SEPTIN7: variants seen among roughly 807,000 people sequenced by gnomAD.
SEPTIN7 encodes the protein septin 7.
In SEPTIN7, 10 loss-of-function variants were observed where a neutral mutation model predicts 63.3. The ratio of observed to expected loss-of-function variants is 0.16; its 90% CI spans 0.10 to 0.27. SEPTIN7 has a LOEUF of 0.27. SEPTIN7 is among the 10% of genes least tolerant of loss of function. The pLI, the probability that SEPTIN7 is intolerant of heterozygous loss-of-function variation, is 1.00. For synonymous variants in SEPTIN7, 131 were observed against 165.3 expected, an observed-to-expected ratio of 0.79 and a Z score of 1.59; for missense variants, 310 against 521.0, an observed-to-expected ratio of 0.59 and a Z score of 3.94.
downstream of SEPTIN7, among the ~76,000 whole-genome samples, chr7:35,907,283 A>G (rs1164541273): frequency 2.6e-5 from 4 of 152,178 alleles, no homozygotes; most frequent in Non-Finnish European, 4.4e-5. Context: ...CTTTCTAATA[A>G]TAAGCTTGCA....
intron 3 of SEPTIN7, among the ~76,000 whole-genome samples, chr7:35,839,803 T>C (rs2115958165): frequency 6.6e-6 from 1 of 152,304 alleles, no homozygotes; most frequent in East Asian, 1.9e-4. Context: ...TCCACTTGCC[T>C]CGGCCTCCCA....
At chr7:35,895,901 C>T (rs1319792656) in intron 11 of SEPTIN7, among the ~76,000 whole-genome samples, 2 of 152,196 alleles carry the variant, frequency 1.3e-5, no homozygotes, top group Non-Finnish European at 2.9e-5. Flanking sequence ...ACCTCTGCCT[C>T]CTGGGTTCAA....
At chr7:35,822,961 A>T (rs1783302211) in intron 1 of SEPTIN7, among the ~76,000 whole-genome samples, 1 of 152,130 alleles carries the variant, frequency 6.6e-6, no homozygotes, top group African/African-American at 2.4e-5. Context: ...CATGTGTAAG[A>T]CACTTTCAGT....
At chr7:35,823,986 T>G (rs1289287719) in intron 1 of SEPTIN7, among the ~76,000 whole-genome samples, 1 of 152,070 alleles carries the variant, frequency 6.6e-6, no homozygotes, top group Non-Finnish European at 1.5e-5. Flanking sequence ...TCTATTAGCA[T>G]TCACACAAAT....
At chr7:35,866,776 AC>A (rs1785827692) in intron 4 of SEPTIN7, among the ~76,000 whole-genome samples, 1 of 152,100 alleles carries the variant, frequency 6.6e-6, no homozygotes, top group Admixed American at 6.5e-5. Context: ...GGACCTCAGG[AC>A]CCTGAGTTAT....
chr7:35,874,673 T>C lies in SEPTIN7; in HGVS notation c.512+898T>C, dbSNP rs539724226. Among the ~76,000 whole-genome samples, 10 of 152,232 alleles carry C rather than the reference T, an allele frequency of 6.6e-5. No homozygotes were observed. In the South Asian group the frequency reaches 2.1e-3, roughly 32 times the overall value. The stretch of plus-strand genomic sequence containing the variant: ...TTCTATTTTTGGCTTCTTGCTCTCT[T>C]TTACTTTTTTATAGATAGGTCAATG... On this transcript the variant is annotated intron_variant, in intron 6 of 13. Transcript: ENST00000350320.
At chr7:35,814,765 G>A (rs1184998508) in intron 1 of SEPTIN7, among the ~76,000 whole-genome samples, 1 of 152,004 alleles carries the variant, frequency 6.6e-6, no homozygotes, top group Non-Finnish European at 1.5e-5. Flanking sequence ...CACGAGGTCA[G>A]GAGATCAAGA....
intron 3 of SEPTIN7, among the ~76,000 whole-genome samples, chr7:35,854,829 G>A (rs1785124166): frequency 6.6e-6 from 1 of 151,722 alleles, no homozygotes; most frequent in Non-Finnish European, 1.5e-5. Flanking sequence ...TAGAAAAACT[G>A]ATATACAAAG....
chr7:35,888,873 T>A (rs1187752327), intron 10 of SEPTIN7: 2 of 347,164 alleles, frequency 5.8e-6, no homozygotes, highest in Non-Finnish European at 1.1e-5. Flanking sequence ...ATAAACATTG[T>A]TTTATATTGG....
At chr7:35,847,081 GTC>G (rs138324725) in intron 3 of SEPTIN7, 2,441 of 187,010 alleles carry the variant, frequency 0.013, 54 homozygotes, top group East Asian at 0.065. Context: ...TTAGAGCAGT[GTC>G]TCTGCACACT....
intron 12 of SEPTIN7, chr7:35,902,710 G>A (rs190772357): frequency 2.5e-5 from 4 of 159,118 alleles, no homozygotes; most frequent in East Asian, 3.5e-4. Flanking sequence ...TTCTGCAACT[G>A]TTTCCTCATC....
rs544601611 is a variant in SEPTIN7 at position 35,842,729 on chromosome 7, T to C, written c.169+9829T>C. The stretch of plus-strand genomic sequence containing the variant: ...CTGAAAATAATGTGTTAATTTTAAA[T>C]TTTGAAACAATTCTAAACAAAAGTT... On this transcript the variant is annotated intron_variant, in intron 3 of 13. Transcript: ENST00000350320. Among the ~76,000 whole-genome samples the C allele has an allele frequency of 5.9e-5, 9 of 152,324 alleles. No homozygotes were observed. In the East Asian group the frequency reaches 1.7e-3, roughly 29 times the overall value.
chr7:35,915,146 T>C, the SEPTIN7 span, among the ~76,000 whole-genome samples: 1 of 152,064 alleles, frequency 6.6e-6, no homozygotes, highest in Non-Finnish European at 1.5e-5. Flanking sequence ...CATATACACA[T>C]GTATACATGT....
chr7:35,801,354 G>A, intron 1 of SEPTIN7, 84 bp downstream of exon 1: 1 of 1,482,784 alleles, frequency 6.7e-7, no homozygotes, highest in South Asian at 1.3e-5. Flanking sequence ...CCGAGCTAGG[G>A]AACGCCCTGA....
chr7:35,840,143 C>T (rs1784335190), intron 3 of SEPTIN7, among the ~76,000 whole-genome samples: 2 of 92,602 alleles, frequency 2.2e-5, no homozygotes, highest in African/African-American at 8.5e-5. Flanking sequence ...TTCCCCCTTC[C>T]TCCTTCCCCC....
intron 11 of SEPTIN7, among the ~76,000 whole-genome samples, chr7:35,893,344 A>G (rs1423012769): frequency 3.9e-5 from 6 of 152,166 alleles, no homozygotes; most frequent in African/African-American, 1.4e-4. Flanking sequence ...ATCTTTGGCA[A>G]TGTATGTTTC....
chr7:35,824,125 GT>G (rs931677437), intron 1 of SEPTIN7, among the ~76,000 whole-genome samples: 3 of 148,202 alleles, frequency 2.0e-5, no homozygotes, highest in African/African-American at 5.0e-5. Context: ...ACCTCCTGTA[GT>G]TTTTTTTTCT....
At chr7:35,873,849 A>T in intron 6 of SEPTIN7, 74 bp downstream of exon 6, 1 of 1,397,972 alleles carries the variant, frequency 7.2e-7, no homozygotes. Flanking sequence ...ATACTTTAGT[A>T]ATCTTTAAGT....
the SEPTIN7 span, among the ~76,000 whole-genome samples, chr7:35,912,216 C>T: frequency 1.4e-4 from 21 of 152,324 alleles, no homozygotes; most frequent in African/African-American, 4.1e-4. Context: ...ATGGCCATAA[C>T]GCCCACGCTG....
Sources: allele counts gnomAD v4.1 joint callset (sites outside exome capture counted in the v4.1 genomes callset), GRCh38; gene constraint gnomAD v4.1.1; transcripts MANE v1.5; gene names NCBI Gene and HGNC (gene_info 2026-07-23, HGNC 2026-07-21).